The following IGSF6 variants were observed in gnomAD, a reference collection of about 807,000 sequenced individuals.
IGSF6 encodes the protein down-regulated by activation (immunoglobulin superfamily).
A neutral mutation model predicts 24.7 loss-of-function variants in IGSF6; 23 were observed. The ratio of observed to expected loss-of-function variants is 0.93; its 90% confidence interval spans 0.67 to 1.32. The LOEUF is 1.32. Ranked by LOEUF, IGSF6 falls within the 40% of genes most tolerant of loss-of-function variation. IGSF6 has a pLI of 0.00. For missense variants in IGSF6, 295 were observed against 293.6 expected, an observed-to-expected ratio of 1.00 and a Z score of -0.04; for synonymous variants, 110 against 113.7, an observed-to-expected ratio of 0.97 and a Z score of 0.21.
intron 2 of IGSF6, 126 bp downstream of exon 2, chr16:21,647,007 C>G (rs757639835): frequency 1.6e-6 from 2 of 1,252,146 alleles, no homozygotes; most frequent in Non-Finnish European, 2.3e-6. Flanking sequence ...TCAGATCACA[C>G]CCATCACTGG....
chr16:21,644,320 A>C lies in IGSF6; in HGVS notation c.504T>G (p.Gly168=). Residue 168 remains glycine, a synonymous_variant, in exon 3 of 6, where the codon GGT becomes GGG. Coordinates refer to ENST00000268389, the MANE Select transcript of IGSF6 (RefSeq NM_005849.4). ...AGAGGAGTATGAAGGCCACGCACAC[A>C]CCGGTCACATAGACAGAGAGCAGTG... The part of the protein sequence containing the change: ...LVSLLSVYVT[G]VCVAFILLSK... 1.9e-6 allele frequency: 3 copies of C among 1,613,836 alleles called. No homozygotes were observed. Among genetic ancestry groups the C allele is most frequent in the Non-Finnish European group, 2.5e-6 (3 of 1,179,736 alleles).
At chr16:21,649,683 A>T (rs1966518696) in intron 1 of IGSF6, among the ~76,000 whole-genome samples, 1 of 152,166 alleles carries the variant, frequency 6.6e-6, no homozygotes, top group Non-Finnish European at 1.5e-5. Context: ...AATTATTTTT[A>T]AAAAGTGGAC....
intron 2 of IGSF6, among the ~76,000 whole-genome samples, chr16:21,646,101 G>T (rs891640324): frequency 1.6e-4 from 25 of 152,138 alleles, no homozygotes; most frequent in African/African-American, 6.0e-4. Context: ...GCGAGGAGTT[G>T]CTGCTGTTCT....
rs1011667213 is a variant in IGSF6, at chr16:21,639,696, T to A, written c.*1838A>T. On this transcript the variant is annotated 3_prime_UTR_variant, in exon 6 of 6. Coordinates refer to ENST00000268389, the MANE Select transcript of IGSF6 (RefSeq NM_005849.4). Reference sequence around the variant, plus strand: ...CAAAACACATGTGGCCCCACACATATACACATGTGCACTCACGTGTACACA... The same window carrying A: ...CAAAACACATGTGGCCCCACACATAAACACATGTGCACTCACGTGTACACA... 1 of 152,222 alleles carries A rather than the reference T, an allele frequency of 6.6e-6. No individual in the cohort carries two copies. Among genetic ancestry groups the A allele is most frequent in the African/African-American group, 2.4e-5 (1 of 41,460 alleles). 9.4% of individuals were successfully genotyped at this position (152,222 alleles called of 1,614,324 possible).
rs1421625582 is a variant in IGSF6 at position 21,640,962 on chromosome 16, C to T, written c.*572G>A. The T allele has an allele frequency of 6.6e-6, 1 of 152,078 alleles. No homozygotes were observed. The highest frequency in any genetic ancestry group is 6.6e-5 in the Admixed American group (1 of 15,264). 9.4% of individuals were successfully genotyped at this position (152,078 alleles called of 1,614,324 possible). A position where few individuals can be genotyped will look rare whatever the true frequency, so the allele number is the denominator to read the frequency against. On this transcript the variant is annotated 3_prime_UTR_variant, in exon 6 of 6. Coordinates refer to ENST00000268389, the MANE Select transcript of IGSF6 (RefSeq NM_005849.4). Reference sequence around the variant, plus strand: ...TTTTCTGTATTTTGGCTTTTATGGTCTTACTCTAGCCACTATATTATTCTC... The same window carrying T: ...TTTTCTGTATTTTGGCTTTTATGGTTTTACTCTAGCCACTATATTATTCTC...
Position 21,640,681 on chromosome 16 carries a change from G to A in IGSF6, c.*853C>T, listed in dbSNP as rs1037244082. 1 of 150,566 alleles carries A rather than the reference G, an allele frequency of 6.6e-6. No individual in the cohort carries two copies. Among genetic ancestry groups the A allele is most frequent in the African/African-American group, 2.4e-5 (1 of 40,908 alleles). 9.3% of individuals were successfully genotyped at this position (150,566 alleles called of 1,614,324 possible). On this transcript the variant is annotated 3_prime_UTR_variant, in exon 6 of 6. Coordinates refer to ENST00000268389, the MANE Select transcript of IGSF6 (RefSeq NM_005849.4). The stretch of plus-strand genomic sequence containing the variant: ...ACTTGGGAAACTGAGGCAGAAGAAT[G>A]GCATGAACCCGGGAGGTGGAGGTTG...
intron 1 of IGSF6, among the ~76,000 whole-genome samples, chr16:21,650,278 G>A (rs566801561): frequency 3.9e-5 from 6 of 152,214 alleles, no homozygotes; most frequent in East Asian, 1.9e-4. Context: ...ATGCCGAGGC[G>A]GGCAGATCAC....
chr16:21,652,323 A>G (rs1049538552), intron 1 of IGSF6: 17 of 458,736 alleles, frequency 3.7e-5, no homozygotes, highest in Non-Finnish European at 6.1e-5. Context: ...AATAGCAAAG[A>G]GACTTTTCAA....
rs1374184943 is a variant in IGSF6 at position 21,640,687 on chromosome 16, A to T, written c.*847T>A. 1.3e-5 allele frequency: 2 copies of T among 151,180 alleles called. No individual in the cohort carries two copies. Among genetic ancestry groups the T allele is most frequent in the Non-Finnish European group, 2.9e-5 (2 of 67,896 alleles). The allele number at this position is 151,180 out of a possible 1,614,324, so 9.4% of individuals were successfully genotyped here. On this transcript the variant is annotated 3_prime_UTR_variant, in exon 6 of 6. Transcript: ENST00000268389. ...GAAACTGAGGCAGAAGAATGGCATG[A>T]ACCCGGGAGGTGGAGGTTGTAGTGA...
At chr16:21,645,537 TAACA>T (rs1184274404) in intron 2 of IGSF6, among the ~76,000 whole-genome samples, 3 of 152,216 alleles carry the variant, frequency 2.0e-5, no homozygotes, top group Non-Finnish European at 2.9e-5. Context: ...TTTGTGAAAC[TAACA>T]AATTAACCAC....
Position 21,643,147 on chromosome 16 carries a change from C to T in IGSF6, c.593G>A (p.Ser198Asn). ...AATTTCCTGAAAAATACGCCGAGCACTCTTCTTCTATAAAGACAAATGAGA... is the reference window on the plus strand; with the variant it reads ...AATTTCCTGAAAAATACGCCGAGCATTCTTCTTCTATAAAGACAAATGAGA... ...EIKEDSQKKK[S>N]ARRIFQEIAQ... Residue 198 changes from serine (S) to asparagine (N), a missense_variant, in exon 5 of 6, where the codon AGT (serine) becomes AAT (asparagine). Coordinates refer to ENST00000268389, the MANE Select transcript of IGSF6 (RefSeq NM_005849.4). 1 of 1,604,418 alleles carries T rather than the reference C, an allele frequency of 6.2e-7. No homozygotes were observed. Among genetic ancestry groups the T allele is most frequent in the South Asian group, 1.1e-5 (1 of 90,900 alleles).
chr16:21,652,350 T>C, intron 1 of IGSF6, 182 bp downstream of exon 1: 1 of 489,190 alleles, frequency 2.0e-6, no homozygotes, highest in Non-Finnish European at 3.6e-6. Flanking sequence ...TATGAAACTT[T>C]TTCTCAGCTA....
At chr16:21,651,240 A>G (rs984175135) in intron 1 of IGSF6, among the ~76,000 whole-genome samples, 4 of 152,128 alleles carry the variant, frequency 2.6e-5, no homozygotes, top group Non-Finnish European at 5.9e-5. Flanking sequence ...CAAAAAAGCC[A>G]TATTGAAAGT....
At chr16:21,649,189 C>T (rs3785083) in intron 1 of IGSF6, among the ~76,000 whole-genome samples, 49,160 of 151,980 alleles carry the variant, frequency 0.32, 9,394 homozygotes, top group Non-Finnish European at 0.44. Context: ...GACAGGGTTT[C>T]ACCTTGTTAC....
At chr16:21,642,632 A>G (rs2141611628) in intron 5 of IGSF6, among the ~76,000 whole-genome samples, 1 of 152,310 alleles carries the variant, frequency 6.6e-6, no homozygotes, top group African/African-American at 2.4e-5. Context: ...CTTGTTTTTT[A>G]ATATCATTAG....
At chr16:21,647,608 A>G in intron 1 of IGSF6, 116 bp from the exon 2 acceptor site, 2 of 1,305,718 alleles carry the variant, frequency 1.5e-6, no homozygotes, top group South Asian at 3.0e-5. Context: ...CTTAATCCCA[A>G]TATAAATAAG....
At chr16:21,642,460 A>G (rs1201409191) in intron 5 of IGSF6, 1 of 152,232 alleles carries the variant, frequency 6.6e-6, no homozygotes, top group African/African-American at 2.4e-5. Context: ...TATTTGAGCT[A>G]TCTCATCATG....
chr16:21,645,431 C>A (rs956017581), intron 2 of IGSF6, among the ~76,000 whole-genome samples: 1 of 151,914 alleles, frequency 6.6e-6, no homozygotes, highest in Admixed American at 6.6e-5. Context: ...CACTCCAGCC[C>A]GGGCGACAGA....
At chr16:21,645,737 T>TTTTAGAA (rs1445378103) in intron 2 of IGSF6, among the ~76,000 whole-genome samples, 9 of 152,188 alleles carry the variant, frequency 5.9e-5, no homozygotes, top group African/African-American at 2.2e-4. Context: ...ACTAACATGT[T>TTTTAGAA]TTTAGAAGGC....
Sources: allele counts gnomAD v4.1 joint callset (sites outside exome capture counted in the v4.1 genomes callset), GRCh38; gene constraint gnomAD v4.1.1; transcripts MANE v1.5; gene names NCBI Gene and HGNC (gene_info 2026-07-23, HGNC 2026-07-21).